Variants in PCDHA6 observed in about 807,000 individuals in gnomAD.
PCDHA6 encodes the protein protocadherin alpha-6.
A neutral mutation model predicts 60.3 loss-of-function variants in PCDHA6; 55 were observed. That is an observed-to-expected ratio of 0.91 (90% CI 0.73 to 1.14). PCDHA6 has a LOEUF of 1.14. Among genes scored for constraint, PCDHA6 ranks in the 50% most tolerant of loss-of-function variants. PCDHA6 has a pLI of 0.00. For synonymous variants in PCDHA6, 652 were observed against 557.9 expected (o/e 1.17, Z -2.38); for missense variants, 1,327 against 1,256.5 (o/e 1.06, Z -0.85).
chr5:140,848,807 C>G, intron 1 of PCDHA6: 1 of 1,591,972 alleles, frequency 6.3e-7, no homozygotes, highest in East Asian at 2.2e-5. Context: ...AGTGCAGCAT[C>G]CACCTGGAGG....
intron 1 of PCDHA6, chr5:140,850,632 C>T (rs2150491641): frequency 6.3e-7 from 1 of 1,598,646 alleles, no homozygotes. Flanking sequence ...CCTGTTGGTT[C>T]TCACGCTGCT....
chr5:140,884,559 C>G lies in PCDHA6; in HGVS notation c.2394+54074C>G. On this transcript the variant is annotated intron_variant, in intron 1 of 3. Transcript: ENST00000529310. ...CCGAGGGTGTGCTCTGGGGAGGGCC[C>G]GCATAAGACGGACCTCATGGCCTTC... The G allele has an allele frequency of 1.2e-6, 2 of 1,614,094 alleles. No individual in the cohort carries two copies. The highest frequency in any genetic ancestry group is 1.7e-5 in the Admixed American group (1 of 59,984).
intron 1 of PCDHA6, among the ~76,000 whole-genome samples, chr5:140,944,328 C>T (rs1478623361): frequency 1.3e-5 from 2 of 152,124 alleles, no homozygotes; most frequent in African/African-American, 4.8e-5. Context: ...GCTGGGATTA[C>T]AAGCACGTGC....
chr5:140,927,015 G>A, intron 1 of PCDHA6: 1 of 1,612,466 alleles, frequency 6.2e-7, no homozygotes. Context: ...ATCTCTCCGC[G>A]GACTTGAGGC....
chr5:140,939,903 CT>C (rs1485545948), intron 1 of PCDHA6, among the ~76,000 whole-genome samples: 1 of 152,046 alleles, frequency 6.6e-6, no homozygotes, highest in Non-Finnish European at 1.5e-5. Context: ...ATTCTGCATT[CT>C]TTTTTATTCT....
chr5:140,967,665 C>G (rs782126222), intron 1 of PCDHA6: 1 of 1,614,154 alleles, frequency 6.2e-7, no homozygotes. Context: ...AGCAGCTACA[C>G]GTCGGACCGG....
At chr5:140,882,701 T>C in intron 1 of PCDHA6, 2 of 1,614,138 alleles carry the variant, frequency 1.2e-6, no homozygotes, top group South Asian at 1.1e-5. Context: ...CATTGCAGAA[T>C]CTAGACCTCC....
At chr5:140,904,015 A>G (rs1374371306) in intron 1 of PCDHA6, among the ~76,000 whole-genome samples, 1 of 152,234 alleles carries the variant, frequency 6.6e-6, no homozygotes, top group Non-Finnish European at 1.5e-5. Context: ...ACTTTAAAAA[A>G]TAATGGTATA....
chr5:140,855,103 T>C lies in PCDHA6; in HGVS notation c.2394+24618T>C. Among the ~76,000 whole-genome samples, 2 of 149,938 alleles carry C rather than the reference T, an allele frequency of 1.3e-5. 1 individual carries two copies. The highest frequency in any genetic ancestry group is 3.0e-5 in the Non-Finnish European group (2 of 67,096). On this transcript the variant is annotated intron_variant, in intron 1 of 3. Coordinates refer to ENST00000529310, the MANE Select transcript of PCDHA6 (RefSeq NM_018909.4). ...CCACTCTCAGCCTGTGCAGTAGCAA[T>C]AATTAAGGCATTCTATAGGTAATAA... is the stretch of plus-strand genomic sequence containing the variant.
chr5:140,855,609 T>C (rs1471221233), intron 1 of PCDHA6, among the ~76,000 whole-genome samples: 1 of 149,748 alleles, frequency 6.7e-6, no homozygotes, highest in African/African-American at 2.5e-5. Flanking sequence ...TATGCAAATA[T>C]TAAGGGCATT....
At chr5:140,993,462 T>TCACA (rs3836747) in intron 3 of PCDHA6, among the ~76,000 whole-genome samples, 8,584 of 140,952 alleles carry the variant, frequency 0.061, 300 homozygotes, top group Admixed American at 0.12. Flanking sequence ...TCTTTCTTTC[T>TCACA]CACACACACA....
intron 1 of PCDHA6, among the ~76,000 whole-genome samples, chr5:140,963,054 T>G (rs1554226381): frequency 6.6e-6 from 1 of 152,174 alleles, no homozygotes; most frequent in Non-Finnish European, 1.5e-5. Flanking sequence ...TATAAGGGTT[T>G]CTACATTGTG....
intron 1 of PCDHA6, among the ~76,000 whole-genome samples, chr5:140,938,520 A>G (rs1240941217): frequency 6.6e-6 from 1 of 150,896 alleles, no homozygotes; most frequent in African/African-American, 2.4e-5. Context: ...ATTTTCTGTT[A>G]TTGAATGGAT....
At chr5:140,884,318 G>A (rs1345534362) in intron 1 of PCDHA6, 1 of 1,613,692 alleles carries the variant, frequency 6.2e-7, no homozygotes, top group Non-Finnish European at 8.5e-7. Flanking sequence ...GAGGGCGTCG[G>A]CAGGCGCTGT....
intron 3 of PCDHA6, among the ~76,000 whole-genome samples, chr5:140,996,183 T>C (rs1360004898): frequency 6.6e-6 from 1 of 152,232 alleles, no homozygotes; most frequent in African/African-American, 2.4e-5. Context: ...AGCACCTCCA[T>C]TTTATACCCT....
intron 1 of PCDHA6, among the ~76,000 whole-genome samples, chr5:140,913,895 C>A (rs2076500910): frequency 6.6e-6 from 1 of 152,066 alleles, no homozygotes; most frequent in South Asian, 2.1e-4. Flanking sequence ...TTCCAAAATT[C>A]CCCTTTTTTA....
At chr5:141,004,564 T>C (rs1205705593) in intron 3 of PCDHA6, among the ~76,000 whole-genome samples, 1 of 152,196 alleles carries the variant, frequency 6.6e-6, no homozygotes, top group Non-Finnish European at 1.5e-5. Flanking sequence ...AAGATGAACA[T>C]ATCTCTGTGT....
chr5:140,878,599 A>G (rs1308833361), intron 1 of PCDHA6, among the ~76,000 whole-genome samples: 4 of 152,220 alleles, frequency 2.6e-5, no homozygotes, highest in African/African-American at 2.4e-5. Context: ...TTACCAAGTG[A>G]ATCTTCTAAT....
intron 1 of PCDHA6, chr5:140,883,064 G>A (rs2059422329): frequency 1.2e-6 from 2 of 1,614,096 alleles, no homozygotes; most frequent in Non-Finnish European, 1.7e-6. Context: ...CAAGCTAAAT[G>A]CCACAGATCC....
Sources: allele counts gnomAD v4.1 joint callset (sites outside exome capture counted in the v4.1 genomes callset), GRCh38; gene constraint gnomAD v4.1.1; transcripts MANE v1.5; gene names NCBI Gene and HGNC (gene_info 2026-07-23, HGNC 2026-07-21).